MYH11: variants seen among roughly 807,000 people sequenced by gnomAD.
MYH11 encodes myosin heavy chain 11, also known as myosin-11.
MYH11 carries 80 observed loss-of-function variants against 246.6 expected under a neutral mutation model. The ratio of observed to expected loss-of-function variants is 0.32; its 90% CI spans 0.27 to 0.39. MYH11 has a LOEUF of 0.39. Ranked by LOEUF, MYH11 falls within the 10% of genes least tolerant of loss-of-function variation. MYH11 has a pLI of 1.00. For missense variants in MYH11, 2,158 were observed against 2,546.8 expected, an observed-to-expected ratio of 0.85 and a Z score of 3.29; for synonymous variants, 1,071 against 1,015.5, an observed-to-expected ratio of 1.05 and a Z score of -1.04.
intron 3 of MYH11, among the ~76,000 whole-genome samples, chr16:15,804,859 T>A (rs938735346): frequency 6.6e-6 from 1 of 152,232 alleles, no homozygotes; most frequent in African/African-American, 2.4e-5. Context: ...TGTGGCTGAG[T>A]CATATCACAT....
chr16:15,707,331 G>A (rs2039511356), intron 40 of MYH11, among the ~76,000 whole-genome samples: 1 of 152,114 alleles, frequency 6.6e-6, no homozygotes, highest in African/African-American at 2.4e-5. Flanking sequence ...GCCTGGCCTA[G>A]CATTTGGATT....
At chr16:15,771,802 A>G (rs528507546) in intron 8 of MYH11, 90 bp from the exon 9 acceptor site, 9 of 1,520,596 alleles carry the variant, frequency 5.9e-6, no homozygotes, top group Admixed American at 5.3e-5. Context: ...CTGGGCCATC[A>G]TAATTCCTTT....
In MYH11 at chr16:15,756,664, G is replaced by A. The variant is rs908287279; in HGVS notation, c.1576-150C>T. On this transcript the variant is annotated intron_variant, in intron 13 of 40. Coordinates refer to ENST00000300036, the MANE Select transcript of MYH11 (RefSeq NM_002474.3). ...ATAAAGATGAGTTTATGACCCCCAT[G>A]CTTCCAAATCTACCTTCAAATTACC... The A allele has an allele frequency of 5.5e-5, 45 of 821,864 alleles. No homozygotes were observed. The African/African-American group carries it at 6.6e-4, about 12-fold the overall frequency. 50.9% of individuals were successfully genotyped at this position (821,864 alleles called of 1,614,324 possible).
intron 37 of MYH11, 167 bp downstream of exon 37, chr16:15,718,148 G>A: frequency 5.8e-6 from 6 of 1,039,988 alleles, no homozygotes; most frequent in South Asian, 5.5e-5. Flanking sequence ...AGCAGCCTGG[G>A]CACTGGTGTA....
In MYH11 at chr16:15,717,224, G is replaced by C. The variant is rs777194780; in HGVS notation, c.5420C>G (p.Ala1807Gly). ...LRSKLHEMEGAVKSKFKSTIA... is the reference protein window; with the variant it reads ...LRSKLHEMEGGVKSKFKSTIA... The stretch of plus-strand genomic sequence containing the variant: ...GGTGGACTTGAACTTGGACTTGACG[G>C]CCCCCTCCATCTCGTGGAGCTTGCT... The change falls in exon 38 of 41, where the codon GCC becomes GGC. Residue 1807 changes from alanine (A) to glycine (G), a missense_variant. Physicochemically the swap from Ala to Gly is moderately conservative, Grantham distance 60. Coordinates refer to ENST00000300036, the MANE Select transcript of MYH11 (RefSeq NM_002474.3). 1 of 1,614,160 alleles carries C rather than the reference G, an allele frequency of 6.2e-7. No individual in the cohort carries two copies. The highest frequency in any genetic ancestry group is 1.1e-5 in the South Asian group (1 of 91,084).
At chr16:15,822,255 C>T (rs1032415779) in intron 3 of MYH11, among the ~76,000 whole-genome samples, 1 of 152,204 alleles carries the variant, frequency 6.6e-6, no homozygotes, top group Non-Finnish European at 1.5e-5. Flanking sequence ...GGTGCCCTTT[C>T]AGAGGGGGTG....
chr16:15,837,178 G>A (rs1407602619), intron 2 of MYH11, among the ~76,000 whole-genome samples: 3 of 152,258 alleles, frequency 2.0e-5, no homozygotes, highest in East Asian at 1.9e-4. Flanking sequence ...GACAAGGAAG[G>A]CCTCCCTAAA....
chr16:15,802,607 C>T (rs1276682173), intron 3 of MYH11, among the ~76,000 whole-genome samples: 3 of 152,142 alleles, frequency 2.0e-5, no homozygotes, highest in African/African-American at 7.2e-5. Flanking sequence ...TGCCAGCATG[C>T]CCGGCTAATT....
intron 23 of MYH11, among the ~76,000 whole-genome samples, chr16:15,739,539 A>T (rs1004749911): frequency 6.6e-6 from 1 of 152,176 alleles, no homozygotes; most frequent in African/African-American, 2.4e-5. Context: ...TGCATCTAAC[A>T]CAGAGCCTGG....
Position 15,838,142 on chromosome 16 carries a change from C to G in MYH11, c.111G>C (p.Trp37Cys). Reference protein sequence around the residue: ...QADWAAKRLVWVPSEKQGFEA... With the variant: ...QADWAAKRLVCVPSEKQGFEA... ...CGAAGCCCTGCTTCTCCGAGGGGAC[C>G]CAGACGAGTCTCTTGGCGGCCCAGT... The change falls in exon 2 of 41, where the codon TGG (tryptophan) becomes TGC (cysteine). Residue 37 changes from tryptophan (W) to cysteine (C), a missense_variant. Coordinates refer to ENST00000300036, the MANE Select transcript of MYH11 (RefSeq NM_002474.3). The G allele has an allele frequency of 1.2e-6, 2 of 1,614,118 alleles. No individual in the cohort carries two copies. The highest frequency in any genetic ancestry group is 1.7e-6 in the Non-Finnish European group (2 of 1,180,008).
chr16:15,771,737 G>C (rs780223972), intron 8 of MYH11, 25 bp from the exon 9 acceptor site: 1 of 1,613,932 alleles, frequency 6.2e-7, no homozygotes, highest in East Asian at 2.2e-5. Flanking sequence ...AGACAGGTCA[G>C]GGTCAATAAG....
chr16:15,743,452 A>T (rs530534022), intron 20 of MYH11, among the ~76,000 whole-genome samples: 22 of 152,244 alleles, frequency 1.4e-4, no homozygotes, highest in Non-Finnish European at 2.8e-4. Flanking sequence ...TACAGGCATG[A>T]GCCACCACAC....
chr16:15,726,881 C>G lies in MYH11; in HGVS notation c.3825G>C (p.Arg1275=). 6.2e-7 allele frequency: 1 copy of G among 1,612,360 alleles called. No individual in the cohort carries two copies. The highest frequency in any genetic ancestry group is 8.5e-7 in the Non-Finnish European group (1 of 1,180,008). ...QSKCSDGERA[R]AELNDKVHKL... ...TGTGGACTTTGTCATTGAGCTCCGCCCGGGCCCGCTCCCCATCGCTGCACT... is the reference window on the plus strand; with the variant it reads ...TGTGGACTTTGTCATTGAGCTCCGCGCGGGCCCGCTCCCCATCGCTGCACT... Residue 1275 remains arginine, a synonymous_variant, in exon 28 of 41, where the codon CGG becomes CGC. Transcript: ENST00000300036.
intron 2 of MYH11, among the ~76,000 whole-genome samples, chr16:15,829,451 A>T (rs1179764807): frequency 6.6e-6 from 1 of 152,126 alleles, no homozygotes; most frequent in East Asian, 1.9e-4. Context: ...CGCACATCTC[A>T]CGGCAGGGTC....
chr16:15,763,754 CA>C, intron 10 of MYH11, 41 bp downstream of exon 10: 2 of 854,254 alleles, frequency 2.3e-6, no homozygotes, highest in South Asian at 1.3e-5. Flanking sequence ...CCCACCCCCC[CA>C]ACCCCAAAGT....
chr16:15,833,345 CA>C (rs2043796425), intron 2 of MYH11, among the ~76,000 whole-genome samples: 1 of 134,868 alleles, frequency 7.4e-6, no homozygotes, highest in African/African-American at 2.8e-5. Flanking sequence ...GACAGAAAGA[CA>C]GAGAAAGAAA....
chr16:15,717,099 A>C (rs576972450), intron 38 of MYH11, 41 bp downstream of exon 38: 3 of 1,600,484 alleles, frequency 1.9e-6, no homozygotes, highest in Admixed American at 3.3e-5. Flanking sequence ...GCTGTCCATC[A>C]CCCCCCTGCA....
chr16:15,775,065 C>T (rs1196193036), intron 8 of MYH11, among the ~76,000 whole-genome samples: 1 of 152,204 alleles, frequency 6.6e-6, no homozygotes, highest in East Asian at 1.9e-4. Flanking sequence ...CATAGAATTT[C>T]AGACTCAAAA....
intron 3 of MYH11, among the ~76,000 whole-genome samples, chr16:15,805,151 G>A (rs1005386618): frequency 6.6e-6 from 1 of 152,130 alleles, no homozygotes; most frequent in African/African-American, 2.4e-5. Flanking sequence ...CATGGACCGT[G>A]GTGCATGTTG....
Sources: allele counts gnomAD v4.1 joint callset (sites outside exome capture counted in the v4.1 genomes callset), GRCh38; gene constraint gnomAD v4.1.1; transcripts MANE v1.5; gene names NCBI Gene and HGNC (gene_info 2026-07-23, HGNC 2026-07-21).